RARB: variants seen among roughly 807,000 people sequenced by gnomAD.
RARB encodes the protein HBV-activated protein.
RARB carries 17 observed loss-of-function variants against 51.9 expected under a neutral mutation model. That is an observed-to-expected ratio of 0.33 (90% confidence interval 0.22 to 0.49). The LOEUF is 0.49. Ranked by LOEUF, RARB falls within the 20% of genes least tolerant of loss-of-function variation. The pLI is 0.99. For missense variants in RARB, 369 were observed against 550.8 expected (o/e 0.67, Z 3.30); for synonymous variants, 215 against 195.4 (o/e 1.10, Z -0.84).
intron 3 of RARB, among the ~76,000 whole-genome samples, chr3:25,560,956 G>A (rs1700245763): frequency 6.6e-6 from 1 of 152,108 alleles, no homozygotes; most frequent in South Asian, 2.1e-4. Context: ...ATGTTACATT[G>A]TGTTGCAATC....
At chr3:25,334,846 C>G (rs949535416) in intron 5 of RARB, among the ~76,000 whole-genome samples, 4 of 152,148 alleles carry the variant, frequency 2.6e-5, no homozygotes, top group Non-Finnish European at 5.9e-5. Flanking sequence ...ATTACTTTCA[C>G]AAAGAAATTT....
chr3:25,501,615 C>G (rs1020650820), intron 3 of RARB, among the ~76,000 whole-genome samples: 1 of 152,228 alleles, frequency 6.6e-6, no homozygotes. Context: ...GCATATTACA[C>G]AGTCACACGG....
chr3:24,922,036 C>T (rs757685840), intron 2 of RARB, among the ~76,000 whole-genome samples: 37 of 152,146 alleles, frequency 2.4e-4, no homozygotes, highest in Non-Finnish European at 5.0e-4. Context: ...ATGCTAGACC[C>T]TTGGGGCTAA....
intron 2 of RARB, among the ~76,000 whole-genome samples, chr3:24,874,818 T>A (rs1195634056): frequency 1.3e-5 from 2 of 152,036 alleles, no homozygotes; most frequent in East Asian, 3.9e-4. Flanking sequence ...TTTGTCTTGA[T>A]CTTTTTGTAT....
chr3:25,069,560 T>C (rs1241963673), intron 3 of RARB, among the ~76,000 whole-genome samples: 1 of 152,204 alleles, frequency 6.6e-6, no homozygotes, highest in Non-Finnish European at 1.5e-5. Context: ...TTCCCAAGTC[T>C]GTCTCAAAAA....
chr3:24,861,592 TATAAAAA>T (rs1559374495), intron 2 of RARB, among the ~76,000 whole-genome samples: 1 of 62,480 alleles, frequency 1.6e-5, no homozygotes, highest in Admixed American at 1.9e-4. Flanking sequence ...AATAACTTGT[TATAAAAA>T]AAAAAAAAAA....
At chr3:25,580,851 G>A in intron 5 of RARB, 129 bp downstream of exon 5, 1 of 1,002,284 alleles carries the variant, frequency 1.0e-6, no homozygotes, top group Non-Finnish European at 1.4e-6. Context: ...GCACTCACCT[G>A]ACTTAGTAGG....
chr3:25,035,979 C>G (rs1436477291), intron 2 of RARB, among the ~76,000 whole-genome samples: 6 of 152,156 alleles, frequency 3.9e-5, no homozygotes, highest in Non-Finnish European at 8.8e-5. Flanking sequence ...TCACGAGACC[C>G]TTCATAGCAG....
chr3:24,974,727 T>C (rs879807808), intron 2 of RARB, among the ~76,000 whole-genome samples: 8 of 152,162 alleles, frequency 5.3e-5, no homozygotes, highest in Non-Finnish European at 1.0e-4. Context: ...TAAGAAATTA[T>C]AAATGAGTAT....
rs151115375 is a variant in RARB, at chr3:25,542,093, C to A, written c.449-27665C>A. On this transcript the variant is annotated intron_variant, in intron 3 of 7. Coordinates refer to ENST00000330688, the MANE Select transcript of RARB (RefSeq NM_000965.5). ...CAAAGAAGAGGTTTCACTTTGTGTG[C>A]TAATGCTGACCAATTAGTAGTGATC... 3.0e-3 allele frequency among the ~76,000 whole-genome samples: 463 copies of A among 152,328 alleles called. 8 individuals carry two copies. Among genetic ancestry groups the A allele is most frequent in the Non-Finnish European group, 1.2e-3 (85 of 68,034 alleles).
chr3:25,336,598 G>T (rs1405790238), intron 5 of RARB, among the ~76,000 whole-genome samples: 4 of 152,124 alleles, frequency 2.6e-5, no homozygotes, highest in African/African-American at 9.7e-5. Flanking sequence ...TTTGGAGCGG[G>T]ATAAGGAGGG....
At chr3:24,903,965 C>A (rs1179670414) in intron 2 of RARB, among the ~76,000 whole-genome samples, 3 of 152,086 alleles carry the variant, frequency 2.0e-5, no homozygotes, top group African/African-American at 7.2e-5. Context: ...ATGTTACCAC[C>A]AGGTCATATA....
At chr3:25,232,396 C>G (rs182205733) in intron 5 of RARB, among the ~76,000 whole-genome samples, 20 of 152,014 alleles carry the variant, frequency 1.3e-4, no homozygotes, top group African/African-American at 4.6e-4. Context: ...TCTATAGATT[C>G]ATTTAAAAAG....
At chr3:25,266,334 C>T (rs1703125917) in intron 5 of RARB, among the ~76,000 whole-genome samples, 1 of 152,104 alleles carries the variant, frequency 6.6e-6, no homozygotes, top group Non-Finnish European at 1.5e-5. Flanking sequence ...TATGATTATA[C>T]TATGCAGGCA....
At position 24,898,588 on chromosome 3, in the gene RARB, A is replaced by G. The variant is rs906823135; in HGVS notation, c.-380+39836A>G. On this transcript the variant is annotated intron_variant, in intron 2 of 11. Coordinates refer to the RARB transcript ENST00000383772. ...AAGGCACGATGCCCACATGTTGGCA[A>G]TATTTTATTTTGGTAAGGATTTGGG... Among the ~76,000 whole-genome samples the G allele has an allele frequency of 5.9e-5, 9 of 152,132 alleles. 1 individual carries two copies. The highest frequency in any genetic ancestry group is 5.2e-4 in the Admixed American group (8 of 15,260).
intron 5 of RARB, among the ~76,000 whole-genome samples, chr3:25,586,782 G>T (rs374488319): frequency 6.6e-6 from 1 of 152,180 alleles, no homozygotes; most frequent in Non-Finnish European, 1.5e-5. Context: ...CCTTCCTGGG[G>T]ACTCAGTAGA....
chr3:25,060,390 A>G (rs770226339), intron 3 of RARB, among the ~76,000 whole-genome samples: 17 of 151,802 alleles, frequency 1.1e-4, no homozygotes, highest in Non-Finnish European at 1.5e-4. Flanking sequence ...GTAGAGATAG[A>G]ATGTCTTATT....
chr3:25,015,179 A>C (rs1697482819), intron 2 of RARB, among the ~76,000 whole-genome samples: 1 of 152,148 alleles, frequency 6.6e-6, no homozygotes, highest in Non-Finnish European at 1.5e-5. Context: ...TATATATTTG[A>C]TGGTGTGACT....
chr3:24,941,479 C>G (rs1484641104), intron 2 of RARB, among the ~76,000 whole-genome samples: 1 of 151,808 alleles, frequency 6.6e-6, no homozygotes, highest in African/African-American at 2.4e-5. Context: ...AAGTGATTCT[C>G]CTGCCTCAGT....
Sources: allele counts gnomAD v4.1 joint callset (sites outside exome capture counted in the v4.1 genomes callset), GRCh38; gene constraint gnomAD v4.1.1; transcripts MANE v1.5; gene names NCBI Gene and HGNC (gene_info 2026-07-23, HGNC 2026-07-21).